The following FOXP1 variants were observed in gnomAD, a reference collection of about 807,000 sequenced individuals.
The protein encoded by FOXP1 is forkhead box P1.
In FOXP1, 15 loss-of-function variants were observed where a neutral mutation model predicts 98.2. That is an observed-to-expected ratio of 0.15 (90% CI 0.10 to 0.24). The LOEUF is 0.24. Ranked by LOEUF, FOXP1 falls within the 10% of genes least tolerant of loss-of-function variation. FOXP1 has a pLI of 1.00. For synonymous variants in FOXP1, 371 were observed against 314.5 expected, an observed-to-expected ratio of 1.18 and a Z score of -1.90; for missense variants, 633 against 848.5, an observed-to-expected ratio of 0.75 and a Z score of 3.15.
At chr3:71,415,468 T>C (rs2083141396) in intron 3 of FOXP1, among the ~76,000 whole-genome samples, 1 of 152,208 alleles carries the variant, frequency 6.6e-6, no homozygotes, top group African/African-American at 2.4e-5. Context: ...AGCCAATATT[T>C]ATACAAACAA....
At chr3:71,583,324 C>T (rs1191426978) in intron 1 of FOXP1, among the ~76,000 whole-genome samples, 1 of 151,876 alleles carries the variant, frequency 6.6e-6, no homozygotes, top group Non-Finnish European at 1.5e-5. Context: ...CGCCGGCCCG[C>T]AGCCCCCACC....
intron 4 of FOXP1, among the ~76,000 whole-genome samples, chr3:71,351,155 G>A (rs143471820): frequency 4.9e-4 from 75 of 152,206 alleles, no homozygotes; most frequent in East Asian, 4.6e-3. Context: ...AATCGCCTCC[G>A]TGAATGAATC....
At chr3:71,248,479 A>G (rs770819265) in intron 5 of FOXP1, among the ~76,000 whole-genome samples, 2 of 152,206 alleles carry the variant, frequency 1.3e-5, no homozygotes, top group Non-Finnish European at 2.9e-5. Context: ...ACGGTGGCTC[A>G]CGCCTGTAAT....
intron 4 of FOXP1, among the ~76,000 whole-genome samples, chr3:71,301,846 T>C (rs2107569716): frequency 6.6e-6 from 1 of 152,362 alleles, no homozygotes; most frequent in Non-Finnish European, 1.5e-5. Flanking sequence ...CAGTATAGTG[T>C]GTAAGTGAAC....
intron 5 of FOXP1, among the ~76,000 whole-genome samples, chr3:71,296,827 T>C (rs899930999): frequency 1.3e-5 from 2 of 152,204 alleles, no homozygotes; most frequent in Non-Finnish European, 2.9e-5. Context: ...TCTTGCTCTA[T>C]TAGTTCATGA....
intron 3 of FOXP1, among the ~76,000 whole-genome samples, chr3:71,439,664 C>A (rs142681018): frequency 3.3e-5 from 5 of 152,282 alleles, no homozygotes; most frequent in African/African-American, 1.2e-4. Context: ...GGAGAAGGGG[C>A]CAGGCGCAGC....
At chr3:71,539,151 G>A (rs1179990746) in intron 2 of FOXP1, among the ~76,000 whole-genome samples, 9 of 148,346 alleles carry the variant, frequency 6.1e-5, no homozygotes, top group South Asian at 4.3e-4. Context: ...TCGCTCTGTC[G>A]CCCAGGCTGG....
At chr3:71,550,582 G>A (rs531733554) in intron 2 of FOXP1, among the ~76,000 whole-genome samples, 1 of 152,302 alleles carries the variant, frequency 6.6e-6, no homozygotes, top group African/African-American at 2.4e-5. Flanking sequence ...TGTGCTGAAA[G>A]TGACCAATTT....
chr3:71,460,038 A>G (rs905281525), intron 3 of FOXP1, among the ~76,000 whole-genome samples: 2 of 149,276 alleles, frequency 1.3e-5, no homozygotes, highest in Non-Finnish European at 3.0e-5. Flanking sequence ...GGTTCACGCC[A>G]TTTTCCTGCC....
At chr3:71,336,309 A>G (rs2076676903) in intron 4 of FOXP1, among the ~76,000 whole-genome samples, 1 of 152,180 alleles carries the variant, frequency 6.6e-6, no homozygotes, top group African/African-American at 2.4e-5. Context: ...CATGTGCAGA[A>G]TGTGCAGGTT....
intron 6 of FOXP1, among the ~76,000 whole-genome samples, chr3:71,197,034 T>G (rs1187640122): frequency 6.6e-6 from 1 of 152,190 alleles, no homozygotes; most frequent in Non-Finnish European, 1.5e-5. Flanking sequence ...CATTCCTTAT[T>G]CCTTAAAAAA....
At chr3:71,015,013 G>T (rs2044237104) in intron 12 of FOXP1, among the ~76,000 whole-genome samples, 1 of 151,430 alleles carries the variant, frequency 6.6e-6, no homozygotes, top group African/African-American at 2.4e-5. Context: ...AGAGGGGAGG[G>T]GACAGCATTA....
intron 2 of FOXP1, among the ~76,000 whole-genome samples, chr3:71,507,635 TG>T (rs2041921273): frequency 6.6e-6 from 1 of 151,962 alleles, no homozygotes; most frequent in South Asian, 2.1e-4. Flanking sequence ...TGGAGTGCAG[TG>T]GCACAACCTC....
At chr3:71,536,899 C>T (rs1442173120) in intron 2 of FOXP1, among the ~76,000 whole-genome samples, 1 of 152,106 alleles carries the variant, frequency 6.6e-6, no homozygotes, top group Non-Finnish European at 1.5e-5. Context: ...AACACATGTG[C>T]AGAATAGCAG....
intron 3 of FOXP1, among the ~76,000 whole-genome samples, chr3:71,389,504 A>G (rs927177579): frequency 3.9e-5 from 6 of 152,308 alleles, no homozygotes; most frequent in Non-Finnish European, 8.8e-5. Context: ...ATAATAAAAT[A>G]AATTAAATAA....
intron 5 of FOXP1, among the ~76,000 whole-genome samples, chr3:71,264,815 T>C (rs774942498): frequency 6.6e-6 from 1 of 152,214 alleles, no homozygotes; most frequent in Non-Finnish European, 1.5e-5. Context: ...ATTTATTGAG[T>C]GTTCATTATA....
intron 3 of FOXP1, among the ~76,000 whole-genome samples, chr3:71,373,103 T>C (rs1209598433): frequency 6.6e-6 from 1 of 152,200 alleles, no homozygotes; most frequent in Non-Finnish European, 1.5e-5. Flanking sequence ...CACTTGTAAG[T>C]ATTCTATGTT....
intron 5 of FOXP1, among the ~76,000 whole-genome samples, chr3:71,212,969 T>C (rs2064611338): frequency 6.6e-6 from 1 of 151,096 alleles, no homozygotes; most frequent in South Asian, 2.1e-4. Context: ...TATATATATA[T>C]ATATGAATGA....
chr3:71,244,741 CTGTT>C (rs923548985), intron 5 of FOXP1: 1 of 151,592 alleles, frequency 6.6e-6, no homozygotes, highest in Non-Finnish European at 1.5e-5. Flanking sequence ...CTGCACCTCT[CTGTT>C]TGGGAGGGGG....
Sources: gnomAD v4.1 joint callset for allele counts (sites outside exome capture counted in the v4.1 genomes callset) on GRCh38, gnomAD v4.1.1 for gene constraint, MANE v1.5 for transcripts, NCBI Gene and HGNC (gene_info 2026-07-23, HGNC 2026-07-21) for gene names.